Variants in SORBS2 observed in about 807,000 individuals in gnomAD.
SORBS2 encodes sorbin and SH3 domain-containing protein 2.
In SORBS2, 46 loss-of-function variants were observed where a neutral mutation model predicts 97.7. That is an observed-to-expected ratio of 0.47 (90% CI 0.37 to 0.60). The LOEUF (loss-of-function observed/expected upper bound fraction) is 0.60. Ranked by LOEUF, SORBS2 falls within the 20% of genes least tolerant of loss-of-function variation. SORBS2 has a pLI of 0.00. For synonymous variants in SORBS2, 476 were observed against 473.4 expected (o/e 1.01, Z -0.07); for missense variants, 1,316 against 1,282.3 (o/e 1.03, Z -0.40).
intron 2 of SORBS2, among the ~76,000 whole-genome samples, chr4:185,682,841 TCTCTA>T (rs556551448): frequency 2.6e-5 from 4 of 151,134 alleles, no homozygotes; most frequent in Non-Finnish European, 5.9e-5. Context: ...TGAAACCAGG[TCTCTA>T]CTAAAAAAAA....
At chr4:185,787,065 G>A (rs761872239) in intron 1 of SORBS2, among the ~76,000 whole-genome samples, 11 of 150,246 alleles carry the variant, frequency 7.3e-5, no homozygotes, top group Non-Finnish European at 1.2e-4. Flanking sequence ...CATGAATATT[G>A]GCTACTCCAT....
chr4:185,946,195 G>T (rs2099274464), intron 1 of SORBS2, among the ~76,000 whole-genome samples: 1 of 150,290 alleles, frequency 6.7e-6, no homozygotes, highest in Non-Finnish European at 1.5e-5. Flanking sequence ...TGTTGGGGGG[G>T]TGGGTGGGGA....
At chr4:185,703,079 C>T (rs894118661) in intron 2 of SORBS2, among the ~76,000 whole-genome samples, 1 of 152,164 alleles carries the variant, frequency 6.6e-6, no homozygotes, top group Non-Finnish European at 1.5e-5. Flanking sequence ...CAAGCTGTCT[C>T]CCTCTTTGTT....
chr4:185,945,408 C>T (rs2099274069), intron 1 of SORBS2, among the ~76,000 whole-genome samples: 1 of 152,136 alleles, frequency 6.6e-6, no homozygotes, highest in Non-Finnish European at 1.5e-5. Context: ...AAATTTTTGA[C>T]TGAGGTTAGG....
At chr4:185,801,745 A>T (rs1212300671) in intron 1 of SORBS2, among the ~76,000 whole-genome samples, 1 of 151,912 alleles carries the variant, frequency 6.6e-6, no homozygotes, top group East Asian at 1.9e-4. Flanking sequence ...CATGTGCTTT[A>T]ATCTCAGCAC....
chr4:185,589,619 T>C (rs2153353894), intron 14 of SORBS2, 60 bp downstream of exon 26: 2 of 899,504 alleles, frequency 2.2e-6, no homozygotes, highest in Middle Eastern at 2.2e-4. Context: ...ACCACGGGAG[T>C]GAGCAAACTC....
intron 2 of SORBS2, chr4:185,774,945 C>T (rs1278606269): frequency 6.6e-6 from 1 of 151,542 alleles, no homozygotes; most frequent in Non-Finnish European, 1.5e-5. Flanking sequence ...CTGAAACATC[C>T]TCTCATTGCT....
At chr4:185,599,814 C>T (rs536983823) in intron 12 of SORBS2, among the ~76,000 whole-genome samples, 1 of 152,308 alleles carries the variant, frequency 6.6e-6, no homozygotes, top group South Asian at 2.1e-4. Flanking sequence ...ACCAGGTGGT[C>T]GCTTCATCTT....
intron 1 of SORBS2, among the ~76,000 whole-genome samples, chr4:185,788,165 C>A (rs1461423061): frequency 6.6e-6 from 1 of 152,200 alleles, no homozygotes. Context: ...GCTACTCAAA[C>A]CCCTCATGAA....
chr4:185,636,848 C>A (rs111512266), intron 4 of SORBS2, among the ~76,000 whole-genome samples: 5 of 152,118 alleles, frequency 3.3e-5, no homozygotes, highest in African/African-American at 1.2e-4. Flanking sequence ...GGGGTTTCAC[C>A]ATGTTGGCCA....
At chr4:185,850,086 C>T (rs748609116) in intron 1 of SORBS2, among the ~76,000 whole-genome samples, 91 of 152,180 alleles carry the variant, frequency 6.0e-4, no homozygotes, top group African/African-American at 1.1e-3. Flanking sequence ...TGTTATGAAA[C>T]GAAGCTCTTT....
chr4:185,943,075 A>G (rs2099272894), intron 1 of SORBS2, among the ~76,000 whole-genome samples: 1 of 152,216 alleles, frequency 6.6e-6, no homozygotes, highest in South Asian at 2.1e-4. Context: ...AATTTTTAGA[A>G]GGCTTATGAC....
At chr4:185,805,502 A>G (rs1354252962) in intron 1 of SORBS2, among the ~76,000 whole-genome samples, 1 of 152,198 alleles carries the variant, frequency 6.6e-6, no homozygotes, top group African/African-American at 2.4e-5. Context: ...CTGCCATTCT[A>G]AAGCGAGTCA....
intron 1 of SORBS2, among the ~76,000 whole-genome samples, chr4:185,792,541 AGGAAGGAAGGAAGGAAGGGGAGGAG>A (rs2099085249): frequency 6.6e-6 from 1 of 151,516 alleles, no homozygotes. Flanking sequence ...GAGGGAGGGA[AGGAAGGAAGGAAGGAAGGGGAGGAG>A]GGAAGGAAGG....
chr4:185,867,798 G>C (rs895930348), intron 1 of SORBS2, among the ~76,000 whole-genome samples: 1 of 152,102 alleles, frequency 6.6e-6, no homozygotes, highest in Non-Finnish European at 1.5e-5. Context: ...GGACTCTACT[G>C]CTTGTTGCCA....
chr4:185,824,918 C>T (rs2099198938), intron 1 of SORBS2, among the ~76,000 whole-genome samples: 1 of 152,174 alleles, frequency 6.6e-6, no homozygotes, highest in Non-Finnish European at 1.5e-5. Flanking sequence ...GGCAGGCGGG[C>T]TGATCCCTAC....
At chr4:185,761,537 G>C (rs528500446) in intron 2 of SORBS2, 2 of 152,244 alleles carry the variant, frequency 1.3e-5, no homozygotes, top group African/African-American at 4.8e-5. Context: ...CCCAGTGACT[G>C]TCACGGACAA....
intron 1 of SORBS2, among the ~76,000 whole-genome samples, chr4:185,892,521 G>C (rs72709741): frequency 6.6e-6 from 1 of 152,144 alleles, no homozygotes; most frequent in African/African-American, 2.4e-5. Context: ...AACAACTCAA[G>C]GGTCCATGGA....
chr4:185,915,218 AGACCCGAATG>A (rs1473441235), intron 1 of SORBS2, among the ~76,000 whole-genome samples: 1 of 152,220 alleles, frequency 6.6e-6, no homozygotes, highest in Non-Finnish European at 1.5e-5. Flanking sequence ...TTTAATAAAG[AGACCCGAATG>A]GAACTGAATG....
Sources: allele counts gnomAD v4.1 joint callset (sites outside exome capture counted in the v4.1 genomes callset), GRCh38; gene constraint gnomAD v4.1.1; transcripts MANE v1.5; gene names NCBI Gene and HGNC (gene_info 2026-07-23, HGNC 2026-07-21).